Variants in PDLIM5 observed in about 807,000 individuals in gnomAD.
The protein encoded by PDLIM5 is PDZ and LIM domain 5, also known as PDZ and LIM domain protein 5.
A neutral mutation model predicts 64.2 loss-of-function variants in PDLIM5; 34 were observed. The observed-to-expected ratio is 0.53, with a 90% CI of 0.40 to 0.71. The LOEUF is 0.71. Among genes scored for constraint, PDLIM5 ranks in the 30% least tolerant of loss-of-function variants. The probability of loss-of-function intolerance (pLI) is 0.00; values close to 1 mark genes in which losing one functional copy is unlikely to be tolerated. For missense variants in PDLIM5, 683 were observed against 733.6 expected (o/e 0.93, Z 0.80); for synonymous variants, 253 against 269.1 (o/e 0.94, Z 0.59).
chr4:94,553,121 T>G (rs1258095545), intron 3 of PDLIM5, among the ~76,000 whole-genome samples: 1 of 151,620 alleles, frequency 6.6e-6, no homozygotes, highest in Non-Finnish European at 1.5e-5. Context: ...ATTATCAGTT[T>G]TATTATTATT....
intron 2 of PDLIM5, among the ~76,000 whole-genome samples, chr4:94,477,315 T>A (rs1188641493): frequency 1.3e-5 from 2 of 152,206 alleles, no homozygotes; most frequent in African/African-American, 4.8e-5. Flanking sequence ...TTTAAAGGTT[T>A]TCAAGCCAGA....
intron 7 of PDLIM5, among the ~76,000 whole-genome samples, chr4:94,612,451 A>C (rs1428887545): frequency 6.6e-6 from 1 of 152,150 alleles, no homozygotes; most frequent in Non-Finnish European, 1.5e-5. Context: ...CCATGCTTAG[A>C]GTACACTTTG....
rs59046981 is a variant in PDLIM5, at chr4:94,597,853, A to G, written c.920+11409A>G. ...TCATCTGGAAAAAAGTCAAGCAGGCATTCTGAAAAGCATGGCTAGTGAGCA... is the reference window on the plus strand; with the variant it reads ...TCATCTGGAAAAAAGTCAAGCAGGCGTTCTGAAAAGCATGGCTAGTGAGCA... On this transcript the variant is annotated intron_variant, in intron 7 of 12. Coordinates refer to ENST00000317968, the MANE Select transcript of PDLIM5 (RefSeq NM_006457.5). Among the ~76,000 whole-genome samples, 1,357 of 152,284 alleles carry G rather than the reference A, an allele frequency of 8.9e-3. 28 individuals are homozygous for G. The highest frequency in any genetic ancestry group is 0.03 in the African/African-American group (1,242 of 41,566).
chr4:94,475,830 T>A (rs1348274364), intron 2 of PDLIM5, among the ~76,000 whole-genome samples: 2 of 152,278 alleles, frequency 1.3e-5, no homozygotes, highest in South Asian at 2.1e-4. Context: ...TCGGGGTTGT[T>A]TAATTATGGT....
At chr4:94,486,297 T>C (rs2126113339) in intron 2 of PDLIM5, among the ~76,000 whole-genome samples, 1 of 152,320 alleles carries the variant, frequency 6.6e-6, no homozygotes, top group South Asian at 2.1e-4. Context: ...ATGTAGCCTC[T>C]ACATAAACAT....
At chr4:94,640,970 T>G (rs1740960347) in intron 9 of PDLIM5, among the ~76,000 whole-genome samples, 1 of 152,234 alleles carries the variant, frequency 6.6e-6, no homozygotes, top group Non-Finnish European at 1.5e-5. Flanking sequence ...ACCTGCTTCT[T>G]TAAAATACGT....
intron 7 of PDLIM5, among the ~76,000 whole-genome samples, chr4:94,615,942 A>G (rs1738751891): frequency 6.6e-6 from 1 of 152,156 alleles, no homozygotes; most frequent in African/African-American, 2.4e-5. Context: ...AACCTGGGCT[A>G]CTATTACCAG....
At chr4:94,620,846 A>G (rs1024971539) in intron 8 of PDLIM5, among the ~76,000 whole-genome samples, 1 of 151,896 alleles carries the variant, frequency 6.6e-6, no homozygotes, top group Non-Finnish European at 1.5e-5. Context: ...TCACGAGGTC[A>G]GGAGATCGAG....
chr4:94,484,404 G>A (rs1015631780), intron 2 of PDLIM5, among the ~76,000 whole-genome samples: 6 of 152,020 alleles, frequency 3.9e-5, no homozygotes, highest in Admixed American at 2.0e-4. Context: ...TTGAAAATAC[G>A]AACTTTGGAG....
intron 3 of PDLIM5, among the ~76,000 whole-genome samples, chr4:94,534,577 T>C (rs915532436): frequency 6.6e-6 from 1 of 152,192 alleles, no homozygotes; most frequent in Non-Finnish European, 1.5e-5. Flanking sequence ...GATCCCATTC[T>C]AATGGAAAGC....
At chr4:94,487,274 G>A (rs999930652) in intron 2 of PDLIM5, among the ~76,000 whole-genome samples, 11 of 152,234 alleles carry the variant, frequency 7.2e-5, no homozygotes, top group African/African-American at 2.4e-4. Context: ...TATCAGTGCT[G>A]CCCCTCTGCT....
chr4:94,515,550 A>G (rs1002332684), intron 2 of PDLIM5, among the ~76,000 whole-genome samples: 5 of 152,158 alleles, frequency 3.3e-5, no homozygotes, highest in Non-Finnish European at 5.9e-5. Context: ...GTGTTTACCA[A>G]CCACACTTAG....
intron 7 of PDLIM5, among the ~76,000 whole-genome samples, chr4:94,601,299 T>A (rs1469993481): frequency 6.6e-6 from 1 of 152,150 alleles, no homozygotes; most frequent in Non-Finnish European, 1.5e-5. Flanking sequence ...CTGAGGTATC[T>A]CTTATAAGGG....
Position 94,666,206 on chromosome 4 carries a change from C to G in PDLIM5, c.*2139C>G, listed in dbSNP as rs536392605. The G allele has an allele frequency of 1.9e-6, 1 of 524,090 alleles. No homozygotes were observed. Among genetic ancestry groups the G allele is most frequent in the Admixed American group, 3.7e-5 (1 of 26,766 alleles). The allele number at this position is 524,090 out of a possible 1,614,324, so 32.5% of individuals were successfully genotyped here. On this transcript the variant is annotated 3_prime_UTR_variant, in exon 13 of 13. Transcript: ENST00000317968. ...AGGCTACAATATTTGTTTAACCTCCCTAAGAACTTTCAAGGCATCTGTCCT... is the reference window on the plus strand; with the variant it reads ...AGGCTACAATATTTGTTTAACCTCCGTAAGAACTTTCAAGGCATCTGTCCT...
At chr4:94,543,284 T>G (rs1731988428) in intron 3 of PDLIM5, among the ~76,000 whole-genome samples, 1 of 148,852 alleles carries the variant, frequency 6.7e-6, no homozygotes, top group East Asian at 2.0e-4. Context: ...CTGTTGTCAG[T>G]TTTTTTTTTA....
intron 7 of PDLIM5, chr4:94,610,264 G>A (rs768009072): frequency 1.3e-5 from 19 of 1,515,022 alleles, no homozygotes; most frequent in Admixed American, 6.0e-5. Flanking sequence ...TCTGAGCAGC[G>A]CAGCTGCTAC....
At chr4:94,576,279 AT>A (rs200015181) in intron 5 of PDLIM5, among the ~76,000 whole-genome samples, 1 of 126,528 alleles carries the variant, frequency 7.9e-6, no homozygotes, top group Non-Finnish European at 1.8e-5. Context: ...TCTGTAACTC[AT>A]TTTTTGTAAG....
At chr4:94,455,216 T>G (rs75188213) in intron 1 of PDLIM5, 31 bp from the exon 2 acceptor site, 382 of 873,290 alleles carry the variant, frequency 4.4e-4, no homozygotes, top group Admixed American at 7.3e-4. Context: ...CAAGTAAACA[T>G]TTTTGCTAAT....
intron 2 of PDLIM5, among the ~76,000 whole-genome samples, chr4:94,471,928 C>CCTTATAAGTATTTATACTTACAAAGAT (rs1303656142): frequency 6.6e-6 from 1 of 151,662 alleles, no homozygotes; most frequent in Admixed American, 6.6e-5. Flanking sequence ...CTTACAAAGA[C>CCTTATAAGTATTTATACTTACAAAGAT]CTTATAAGTA....
Sources: allele counts gnomAD v4.1 joint callset (sites outside exome capture counted in the v4.1 genomes callset), GRCh38; gene constraint gnomAD v4.1.1; transcripts MANE v1.5; gene names NCBI Gene and HGNC (gene_info 2026-07-23, HGNC 2026-07-21).